CCDC178: variants seen among roughly 807,000 people sequenced by gnomAD.
CCDC178 encodes coiled-coil domain-containing protein 178.
A neutral mutation model predicts 117.4 loss-of-function variants in CCDC178; 126 were observed. That is an observed-to-expected ratio of 1.07 (90% CI 0.93 to 1.24). CCDC178 has a LOEUF of 1.24. Ranked by LOEUF, CCDC178 falls within the 50% of genes most tolerant of loss-of-function variation. The probability of loss-of-function intolerance (pLI) is 0.00; values close to 1 mark genes in which losing one functional copy is unlikely to be tolerated. For missense variants in CCDC178, 1,030 were observed against 986.9 expected, an observed-to-expected ratio of 1.04 and a Z score of -0.59; for synonymous variants, 283 against 313.4, an observed-to-expected ratio of 0.90 and a Z score of 1.02.
chr18:33,219,690 C>T (rs1353977070), intron 18 of CCDC178, among the ~76,000 whole-genome samples: 1 of 152,022 alleles, frequency 6.6e-6, no homozygotes, highest in Admixed American at 6.6e-5. Context: ...AAACCAAACA[C>T]CACATGTTCT....
At chr18:33,091,734 TA>T (rs1567982981) in intron 21 of CCDC178, among the ~76,000 whole-genome samples, 1 of 152,164 alleles carries the variant, frequency 6.6e-6, no homozygotes. Flanking sequence ...GGGAAGTACA[TA>T]GGGGGATGCC....
At position 33,341,925 on chromosome 18, in the gene CCDC178, T is replaced by TA. The variant is rs577928008; in HGVS notation, c.658+4285dup. ...TGGGCTTAAACAGTTTGGCATGGATTAAAAAAAACTCAGTAAATGACCCTG... is the reference window on the plus strand; with the variant it reads ...TGGGCTTAAACAGTTTGGCATGGATTAAAAAAAAACTCAGTAAATGACCCTG... On this transcript the variant is annotated intron_variant, in intron 9 of 22. Coordinates refer to ENST00000383096, the MANE Select transcript of CCDC178 (RefSeq NM_001105528.4). Among the ~76,000 whole-genome samples, 47 of 152,050 alleles carry TA rather than the reference T, an allele frequency of 3.1e-4. No homozygotes were observed. In the South Asian group the frequency reaches 8.1e-3, roughly 26 times the overall value.
At position 33,270,923 on chromosome 18, in the gene CCDC178, A is replaced by C. The variant is rs925895033; in HGVS notation, c.1177-3626T>G. Among the ~76,000 whole-genome samples, 30 of 151,742 alleles carry C rather than the reference A, an allele frequency of 2.0e-4. No homozygotes were observed. In the East Asian group the frequency reaches 4.2e-3, roughly 21 times the overall value. The stretch of plus-strand genomic sequence containing the variant: ...TAATTGTAAATTTCTGTTGATAGTC[A>C]CACAATGTATAAAGATATAATTTAT... On this transcript the variant is annotated intron_variant, in intron 12 of 22. Transcript: ENST00000383096.
At chr18:33,280,853 A>G (rs1454063657) in intron 12 of CCDC178, among the ~76,000 whole-genome samples, 4 of 152,188 alleles carry the variant, frequency 2.6e-5, no homozygotes, top group Non-Finnish European at 4.4e-5. Context: ...TATCGCAAGG[A>G]CAAAAAACTA....
intron 3 of CCDC178, among the ~76,000 whole-genome samples, chr18:33,398,815 T>C (rs1348761031): frequency 6.6e-6 from 1 of 152,216 alleles, no homozygotes. Context: ...ATAAAAGTTA[T>C]ATTTTATACT....
At chr18:33,270,044 A>T (rs76812981) in intron 12 of CCDC178, among the ~76,000 whole-genome samples, 3,913 of 151,878 alleles carry the variant, frequency 0.026, 58 homozygotes, top group Middle Eastern at 0.048. Flanking sequence ...AAATTATTTT[A>T]AAAACTCAAA....
chr18:32,970,020 A>C (rs2054892183), intron 22 of CCDC178, among the ~76,000 whole-genome samples: 1 of 152,068 alleles, frequency 6.6e-6, no homozygotes, highest in Admixed American at 6.6e-5. Flanking sequence ...AGAGTCAAGA[A>C]GTTGTCTGTG....
chr18:33,285,862 A>T (rs1011418006), intron 12 of CCDC178, among the ~76,000 whole-genome samples: 5 of 152,182 alleles, frequency 3.3e-5, no homozygotes. Flanking sequence ...TTTAAAATAA[A>T]AGATAGTAAA....
chr18:32,942,550 C>A (rs1260890580), intron 22 of CCDC178, among the ~76,000 whole-genome samples: 1 of 152,012 alleles, frequency 6.6e-6, no homozygotes, highest in Non-Finnish European at 1.5e-5. Context: ...AGAAACTAGT[C>A]ATGCTGACTG....
intron 14 of CCDC178, among the ~76,000 whole-genome samples, chr18:33,264,384 G>T (rs763020233): frequency 3.3e-5 from 5 of 151,912 alleles, no homozygotes; most frequent in African/African-American, 4.8e-5. Context: ...ACATGACTTA[G>T]ATATATAGTA....
At chr18:33,181,823 G>C (rs752522168) in intron 20 of CCDC178, among the ~76,000 whole-genome samples, 1 of 151,572 alleles carries the variant, frequency 6.6e-6, no homozygotes, top group African/African-American at 2.4e-5. Flanking sequence ...TCTTTCAAAG[G>C]CTACCTAACA....
chr18:33,434,028 A>C (rs1458822976), intron 2 of CCDC178, among the ~76,000 whole-genome samples: 1 of 152,138 alleles, frequency 6.6e-6, no homozygotes, highest in African/African-American at 2.4e-5. Flanking sequence ...GAAATTTGTT[A>C]ATATTCAGTA....
chr18:32,989,436 T>C (rs559151680), intron 21 of CCDC178, among the ~76,000 whole-genome samples: 1 of 152,310 alleles, frequency 6.6e-6, no homozygotes, highest in South Asian at 2.1e-4. Flanking sequence ...TAACAATCAG[T>C]ATCTTGTTTC....
intron 2 of CCDC178, among the ~76,000 whole-genome samples, chr18:33,433,298 G>A (rs138695788): frequency 0.01 from 1,539 of 152,034 alleles, 33 homozygotes; most frequent in African/African-American, 0.035. Context: ...CTCAAAATGC[G>A]AACTACTGAA....
At chr18:32,943,105 T>C (rs776461615) in intron 22 of CCDC178, among the ~76,000 whole-genome samples, 1 of 152,176 alleles carries the variant, frequency 6.6e-6, no homozygotes, top group Non-Finnish European at 1.5e-5. Flanking sequence ...AGCTGAATGA[T>C]GAGGTTGCCT....
intron 22 of CCDC178, among the ~76,000 whole-genome samples, chr18:32,963,227 C>G (rs2054743742): frequency 6.6e-6 from 1 of 152,080 alleles, no homozygotes; most frequent in Non-Finnish European, 1.5e-5. Context: ...ACAAGAATGT[C>G]TATTCCATAT....
At chr18:33,414,556 G>A (rs746563921) in intron 2 of CCDC178, among the ~76,000 whole-genome samples, 2 of 152,094 alleles carry the variant, frequency 1.3e-5, no homozygotes, top group Non-Finnish European at 2.9e-5. Flanking sequence ...AATTCAAGAT[G>A]GATCAAAGAC....
At chr18:33,300,271 C>T (rs2062160051) in intron 11 of CCDC178, among the ~76,000 whole-genome samples, 1 of 152,176 alleles carries the variant, frequency 6.6e-6, no homozygotes, top group Non-Finnish European at 1.5e-5. Flanking sequence ...CTATAGCCTG[C>T]AGAACTGTGA....
Position 33,266,987 on chromosome 18 carries a change from A to G in CCDC178, c.1338T>C (p.Cys446=). Residue 446 remains cysteine, a synonymous_variant, in exon 14 of 23, where the codon TGT becomes TGC. Transcript: ENST00000383096. ...TTTTATTGTCTTCCGTCAGTTTTGT[A>G]CATGCCAAAGAAATAGCTGAAAAAT... ...AKDFSAISLA[C]TKLTEDNKKL... is the part of the protein sequence containing the mutation. The G allele has an allele frequency of 4.4e-6, 7 of 1,602,468 alleles. No individual in the cohort carries two copies. Among genetic ancestry groups the G allele is most frequent in the Non-Finnish European group, 5.9e-6 (7 of 1,176,572 alleles).
Sources: gnomAD v4.1 joint callset for allele counts (sites outside exome capture counted in the v4.1 genomes callset) on GRCh38, gnomAD v4.1.1 for gene constraint, MANE v1.5 for transcripts, NCBI Gene and HGNC (gene_info 2026-07-23, HGNC 2026-07-21) for gene names.